The following FRMD4B variants were observed in gnomAD, a reference collection of about 807,000 sequenced individuals.
The protein encoded by FRMD4B is FERM domain-containing protein 4B.
FRMD4B carries 74 observed loss-of-function variants against 141.5 expected under a neutral mutation model. The observed-to-expected ratio is 0.52, with a 90% CI of 0.43 to 0.63. FRMD4B has a LOEUF of 0.63. Ranked by LOEUF, FRMD4B falls within the 30% of genes least tolerant of loss-of-function variation. The pLI, the probability that FRMD4B is intolerant of heterozygous loss-of-function variation, is 0.00. For synonymous variants in FRMD4B, 506 were observed against 467.9 expected, an observed-to-expected ratio of 1.08 and a Z score of -1.05; for missense variants, 1,366 against 1,253.4, an observed-to-expected ratio of 1.09 and a Z score of -1.36.
intron 5 of FRMD4B, among the ~76,000 whole-genome samples, chr3:69,255,661 G>A (rs1463834332): frequency 1.3e-5 from 2 of 152,150 alleles, no homozygotes; most frequent in Non-Finnish European, 1.5e-5. Context: ...CATTATCTTG[G>A]ATAATTACTT....
chr3:69,171,879 C>G lies in FRMD4B; in HGVS notation c.3087G>C (p.Lys1029Asn). Reference sequence around the variant, plus strand: ...CTGCAGTTCAGACTAATGTTCCAGGCTTTGAATCTTCATGCCAAAAGAGTC... The same window carrying G: ...CTGCAGTTCAGACTAATGTTCCAGGGTTTGAATCTTCATGCCAAAAGAGTC... ...EQRLFWHEDS[K>N]PGTLV is the part of the protein sequence containing the mutation. Residue 1029 changes from lysine (K) to asparagine (N), a missense_variant, in exon 23 of 23, where the codon AAG (lysine) becomes AAC (asparagine). By Grantham distance (94) the Lys-to-Asn change is moderately conservative (BLOSUM62 0). Coordinates refer to ENST00000398540, the MANE Select transcript of FRMD4B (RefSeq NM_015123.3). 2 of 1,612,754 alleles carry G rather than the reference C, an allele frequency of 1.2e-6. No homozygotes were observed. Among genetic ancestry groups the G allele is most frequent in the South Asian group, 2.2e-5 (2 of 91,074 alleles).
chr3:69,282,301 G>A (rs1227172895), intron 5 of FRMD4B, among the ~76,000 whole-genome samples: 1 of 152,156 alleles, frequency 6.6e-6, no homozygotes. Flanking sequence ...GTGATCAGAG[G>A]TGTCAAACAT....
chr3:69,218,273 G>T, intron 10 of FRMD4B, 49 bp downstream of exon 10: 1 of 870,334 alleles, frequency 1.1e-6, no homozygotes, highest in Non-Finnish European at 1.9e-6. Flanking sequence ...CTGGTATTGT[G>T]CAATAACTCT....
At chr3:69,172,316 A>C (rs2092596886) in intron 22 of FRMD4B, among the ~76,000 whole-genome samples, 1 of 152,224 alleles carries the variant, frequency 6.6e-6, no homozygotes, top group Non-Finnish European at 1.5e-5. Flanking sequence ...TCTAGTAAAA[A>C]AGATTATGGT....
intron 2 of FRMD4B, among the ~76,000 whole-genome samples, chr3:69,431,692 A>G (rs143709921): frequency 9.9e-4 from 150 of 152,232 alleles, no homozygotes; most frequent in African/African-American, 3.4e-3. Flanking sequence ...TTTGACCACA[A>G]TTATGCAAGT....
intron 2 of FRMD4B, among the ~76,000 whole-genome samples, chr3:69,423,682 C>T (rs1030735873): frequency 1.3e-5 from 2 of 152,166 alleles, no homozygotes; most frequent in African/African-American, 2.4e-5. Flanking sequence ...ACACAGTCCT[C>T]ATGAACGGGA....
At position 69,536,003 on chromosome 3, in the gene FRMD4B, C is replaced by T. The variant is rs75456586; in HGVS notation, c.-129+6203G>A. 3.0e-3 allele frequency: 1,180 copies of T among 388,826 alleles called. 17 individuals are homozygous for T. The highest frequency in any genetic ancestry group is 0.023 in the African/African-American group (1,107 of 47,344). 24.1% of individuals were successfully genotyped at this position (388,826 alleles called of 1,614,324 possible). The stretch of plus-strand genomic sequence containing the variant: ...CTCGGGCCTTTGCCTTCCTACTAAG[C>T]CCGCTGGCACTGGAAGGGACCTGCG... On this transcript the variant is annotated intron_variant, in intron 1 of 5. Transcript: ENST00000459638.
intron 1 of FRMD4B, among the ~76,000 whole-genome samples, chr3:69,437,738 C>T (rs1374624873): frequency 7.9e-6 from 1 of 127,264 alleles, no homozygotes; most frequent in Non-Finnish European, 1.5e-5. Context: ...ATATTATATA[C>T]AATACTATAT....
At chr3:69,228,477 G>T in intron 7 of FRMD4B, 2 of 456,362 alleles carry the variant, frequency 4.4e-6, no homozygotes, top group Non-Finnish European at 8.8e-6. Flanking sequence ...CATTGCCCAT[G>T]TTTCATATAA....
Position 69,222,929 on chromosome 3 carries a change from C to T in FRMD4B, c.666-1006G>A, listed in dbSNP as rs138386880. 1.0e-3 allele frequency among the ~76,000 whole-genome samples: 156 copies of T among 152,274 alleles called. 1 individual carries two copies. Among genetic ancestry groups the T allele is most frequent in the Admixed American group, 9.0e-3 (137 of 15,292 alleles). On this transcript the variant is annotated intron_variant, in intron 8 of 22. Coordinates refer to ENST00000398540, the MANE Select transcript of FRMD4B (RefSeq NM_015123.3). ...ATTGAAGAAATTTTGAGCCTAAGGC[C>T]TATCCTCTCTTTGGTTAAAACAGGG... is the stretch of plus-strand genomic sequence containing the variant.
At chr3:69,453,529 C>G (rs1705533482) in intron 1 of FRMD4B, among the ~76,000 whole-genome samples, 1 of 152,208 alleles carries the variant, frequency 6.6e-6, no homozygotes, top group South Asian at 2.1e-4. Context: ...TAGCCAAACT[C>G]TGGCTCTCAA....
intron 5 of FRMD4B, among the ~76,000 whole-genome samples, chr3:69,255,049 A>G (rs574442847): frequency 6.6e-6 from 1 of 152,358 alleles, no homozygotes; most frequent in East Asian, 1.9e-4. Flanking sequence ...ATCCCAGATC[A>G]GGAGGAAATA....
At chr3:69,513,519 C>A (rs1246907280) in intron 1 of FRMD4B, among the ~76,000 whole-genome samples, 1 of 152,124 alleles carries the variant, frequency 6.6e-6, no homozygotes, top group Non-Finnish European at 1.5e-5. Flanking sequence ...TCCAAAAACA[C>A]TGAAGAACAG....
At chr3:69,195,209 G>T (rs577600015) in intron 15 of FRMD4B, 22 bp downstream of exon 15, 1 of 1,612,940 alleles carries the variant, frequency 6.2e-7, no homozygotes. Flanking sequence ...ACAACTTGAT[G>T]AGCCCCAAAA....
intron 1 of FRMD4B, among the ~76,000 whole-genome samples, chr3:69,366,692 C>T (rs1003334269): frequency 3.2e-4 from 48 of 150,088 alleles, no homozygotes; most frequent in Non-Finnish European, 7.4e-5. Context: ...CTCTATAGTT[C>T]TTAAAAGAGC....
At chr3:69,348,082 C>A (rs1354530911) in intron 1 of FRMD4B, among the ~76,000 whole-genome samples, 1 of 151,992 alleles carries the variant, frequency 6.6e-6, no homozygotes, top group Non-Finnish European at 1.5e-5. Flanking sequence ...TGATAGACTG[C>A]TAGCAAGACT....
intron 1 of FRMD4B, among the ~76,000 whole-genome samples, chr3:69,314,227 T>TAAAAAA (rs59090061): frequency 3.7e-5 from 4 of 109,230 alleles, no homozygotes; most frequent in African/African-American, 1.5e-4. Flanking sequence ...AATGTTTTAT[T>TAAAAAA]AAAAAAAAAA....
At chr3:69,388,395 G>A (rs1394830927), upstream of FRMD4B, among the ~76,000 whole-genome samples, 2 of 152,146 alleles carry the variant, frequency 1.3e-5, no homozygotes, top group African/African-American at 2.4e-5. Context: ...CATCACCTGG[G>A]AATTTGCTAG....
intron 7 of FRMD4B, among the ~76,000 whole-genome samples, chr3:69,243,119 CA>C (rs1396033523): frequency 6.6e-6 from 1 of 152,078 alleles, no homozygotes; most frequent in Non-Finnish European, 1.5e-5. Flanking sequence ...TTGTGTTACC[CA>C]AGTAGCCTGT....
Sources: allele counts gnomAD v4.1 joint callset (sites outside exome capture counted in the v4.1 genomes callset), GRCh38; gene constraint gnomAD v4.1.1; transcripts MANE v1.5; gene names NCBI Gene and HGNC (gene_info 2026-07-23, HGNC 2026-07-21).